AHI1: variants seen among roughly 807,000 people sequenced by gnomAD.
AHI1 encodes the protein Abelson helper integration site 1, also known as jouberin.
AHI1 carries 123 observed loss-of-function variants against 149.3 expected under a neutral mutation model. The ratio of observed to expected loss-of-function variants is 0.82; its 90% confidence interval spans 0.71 to 0.96. AHI1 has a LOEUF of 0.96. AHI1 is among the 40% of genes least tolerant of loss of function. The pLI, the probability that AHI1 is intolerant of heterozygous loss-of-function variation, is 0.00. For missense variants in AHI1, 1,439 were observed against 1,422.7 expected (o/e 1.01, Z -0.18); for synonymous variants, 475 against 459.8 (o/e 1.03, Z -0.42).
At chr6:135,299,394 A>G (rs932758418) in intron 27 of AHI1, among the ~76,000 whole-genome samples, 10 of 152,212 alleles carry the variant, frequency 6.6e-5, no homozygotes, top group Non-Finnish European at 2.9e-5. Flanking sequence ...ACTTGAACAA[A>G]TATTTTCCCC....
intron 13 of AHI1, among the ~76,000 whole-genome samples, chr6:135,444,399 A>T (rs1786826178): frequency 6.6e-6 from 1 of 152,166 alleles, no homozygotes; most frequent in Non-Finnish European, 1.5e-5. Context: ...ACACTACTTT[A>T]TCTCCTCTTT....
chr6:135,351,250 T>C (rs1181120526), intron 24 of AHI1, among the ~76,000 whole-genome samples: 5 of 152,168 alleles, frequency 3.3e-5, no homozygotes, highest in African/African-American at 1.2e-4. Flanking sequence ...CTGGGATCCT[T>C]CCTTGGGTGC....
In AHI1 at chr6:135,487,738, A is replaced by G. The variant is rs143598840; in HGVS notation, c.135+2885T>C. 4.1e-3 allele frequency among the ~76,000 whole-genome samples: 627 copies of G among 152,222 alleles called. 5 individuals are homozygous for G. The highest frequency in any genetic ancestry group is 0.01 in the Middle Eastern group (3 of 294). ...ATAAATTATTAACTGTAATTTCCCT[A>G]CTGTAATACTGACTACTAGAACTTA... On this transcript the variant is annotated intron_variant, in intron 5 of 28. Transcript: ENST00000265602.
chr6:135,397,464 A>T (rs1245781739), intron 22 of AHI1, among the ~76,000 whole-genome samples: 1 of 152,022 alleles, frequency 6.6e-6, no homozygotes, highest in Non-Finnish European at 1.5e-5. Context: ...TCAGTTTAAT[A>T]CCTCCATATT....
intron 20 of AHI1, among the ~76,000 whole-genome samples, chr6:135,421,653 C>T (rs569385959): frequency 2.6e-5 from 4 of 151,788 alleles, no homozygotes; most frequent in Non-Finnish European, 4.4e-5. Flanking sequence ...TTAAAAACAC[C>T]ACTGTAAACA....
At chr6:135,303,346 A>G (rs778394573) in intron 26 of AHI1, among the ~76,000 whole-genome samples, 2 of 152,202 alleles carry the variant, frequency 1.3e-5, no homozygotes, top group Admixed American at 1.3e-4. Context: ...GATACGGTAT[A>G]GTTCTATTTT....
At chr6:135,471,533 A>C (rs541727588) in intron 5 of AHI1, among the ~76,000 whole-genome samples, 3 of 152,042 alleles carry the variant, frequency 2.0e-5, no homozygotes, top group African/African-American at 7.2e-5. Context: ...TATTTTTTTT[A>C]AAAAAGTCTC....
intron 19 of AHI1, 81 bp from the exon 20 acceptor site, chr6:135,427,388 T>A: frequency 7.9e-7 from 1 of 1,258,790 alleles, no homozygotes; most frequent in Non-Finnish European, 1.1e-6. Context: ...ATTCTGCCAT[T>A]TATTAGAAAA....
intron 25 of AHI1, 124 bp downstream of exon 25, chr6:135,323,038 C>G: frequency 9.7e-7 from 1 of 1,027,126 alleles, no homozygotes; most frequent in Non-Finnish European, 1.3e-6. Flanking sequence ...GAATGAAAAA[C>G]AATACCCATT....
Position 135,463,201 on chromosome 6 carries a change from C to A in AHI1, c.855G>T (p.Met285Ile), listed in dbSNP as rs753657510. 2 of 1,608,780 alleles carry A rather than the reference C, an allele frequency of 1.2e-6. No homozygotes were observed. The highest frequency in any genetic ancestry group is 1.4e-5 in the African/African-American group (1 of 74,048). The stretch of plus-strand genomic sequence containing the variant: ...GCATGCTGTCTTCTGTGCTTTGTTC[C>A]ATTGAGCTTATTTCATCATCTTGAT... The part of the protein sequence containing the change: ...DSHQDDEISS[M>I]EQSTEDSMQD... The change falls in exon 8 of 29, where the codon ATG becomes ATT. Residue 285 changes from methionine to isoleucine, a missense_variant. Coordinates refer to ENST00000265602, the MANE Select transcript of AHI1 (RefSeq NM_001134831.2).
chr6:135,353,971 T>G (rs1335892930), intron 24 of AHI1, among the ~76,000 whole-genome samples: 2 of 152,164 alleles, frequency 1.3e-5, no homozygotes, highest in Non-Finnish European at 2.9e-5. Flanking sequence ...AAATTTCCAA[T>G]CAGGTTAGAA....
chr6:135,349,266 C>T (rs549049917), intron 24 of AHI1, among the ~76,000 whole-genome samples: 6 of 152,248 alleles, frequency 3.9e-5, no homozygotes, highest in South Asian at 2.1e-4. Flanking sequence ...GGCAGGCATG[C>T]GCCACCACAC....
At chr6:135,361,764 G>A (rs1456013300) in intron 23 of AHI1, among the ~76,000 whole-genome samples, 1 of 151,316 alleles carries the variant, frequency 6.6e-6, no homozygotes. Context: ...AGGTATCTAT[G>A]GTTTCATTTA....
intron 23 of AHI1, among the ~76,000 whole-genome samples, chr6:135,364,938 G>A (rs1582841955): frequency 6.6e-6 from 1 of 152,086 alleles, no homozygotes; most frequent in East Asian, 1.9e-4. Flanking sequence ...AGAGGGAGAG[G>A]GAGAGGGAGA....
At chr6:135,400,304 T>G (rs991510014) in intron 22 of AHI1, among the ~76,000 whole-genome samples, 1 of 152,154 alleles carries the variant, frequency 6.6e-6, no homozygotes, top group Non-Finnish European at 1.5e-5. Context: ...TTCTGAACCT[T>G]TAAAAAAATG....
intron 5 of AHI1, among the ~76,000 whole-genome samples, chr6:135,472,817 G>A (rs1216766130): frequency 6.6e-6 from 1 of 151,960 alleles, no homozygotes; most frequent in Non-Finnish European, 1.5e-5. Context: ...CAAATCTTTT[G>A]CCCTTTTTAA....
intron 22 of AHI1, among the ~76,000 whole-genome samples, chr6:135,402,821 A>G (rs1780211398): frequency 6.6e-6 from 1 of 152,170 alleles, no homozygotes; most frequent in African/African-American, 2.4e-5. Flanking sequence ...TAATACACAT[A>G]ACACATAAAA....
At position 135,439,580 on chromosome 6, in the gene AHI1, C is replaced by A. The variant is rs114068144; in HGVS notation, c.1913-1082G>T. ...ATTTAAAAAGGAAAGAAAAAAAAAT[C>A]ATATGTTGAGGTTGCTAGGATCTAC... On this transcript the variant is annotated intron_variant, in intron 14 of 28. Coordinates refer to ENST00000265602, the MANE Select transcript of AHI1 (RefSeq NM_001134831.2). 7.1e-3 allele frequency among the ~76,000 whole-genome samples: 1,086 copies of A among 152,262 alleles called. 16 individuals carry two copies. Among genetic ancestry groups the A allele is most frequent in the African/African-American group, 0.025 (1,031 of 41,540 alleles).
intron 23 of AHI1, among the ~76,000 whole-genome samples, chr6:135,384,551 C>A (rs1777298114): frequency 6.6e-6 from 1 of 152,134 alleles, no homozygotes; most frequent in African/African-American, 2.4e-5. Flanking sequence ...CTTCTAGAGT[C>A]CCTATTCAAG....
Sources: allele counts gnomAD v4.1 joint callset (sites outside exome capture counted in the v4.1 genomes callset), GRCh38; gene constraint gnomAD v4.1.1; transcripts MANE v1.5; gene names NCBI Gene and HGNC (gene_info 2026-07-23, HGNC 2026-07-21).